The following CDH4 variants were observed in gnomAD, a reference collection of about 807,000 sequenced individuals.
CDH4 encodes cadherin 4, also known as cadherin-4.
Under a neutral mutation model 86.0 loss-of-function variants are expected in CDH4, and 33 were observed. The ratio of observed to expected loss-of-function variants is 0.38; its 90% CI spans 0.29 to 0.51. The LOEUF (loss-of-function observed/expected upper bound fraction) is 0.51. Among genes scored for constraint, CDH4 ranks in the 20% least tolerant of loss-of-function variants. The pLI is 0.86. For synonymous variants in CDH4, 555 were observed against 549.4 expected (o/e 1.01, Z -0.14); for missense variants, 1,114 against 1,307.4 (o/e 0.85, Z 2.28).
At chr20:61,339,543 G>T (rs189027016) in intron 2 of CDH4, among the ~76,000 whole-genome samples, 1 of 152,152 alleles carries the variant, frequency 6.6e-6, no homozygotes, top group South Asian at 2.1e-4. Context: ...CTTGTGATGG[G>T]CTTGATGAAG....
rs957171655 is a variant in CDH4 at position 61,623,053 on chromosome 20, G to A, written c.170-120510G>A. ...ATTTAAGACAGTCAGGGAAACAAACGGGGAGGTGCCTTAGAGGCAAAGCTT... is the reference window on the plus strand; with the variant it reads ...ATTTAAGACAGTCAGGGAAACAAACAGGGAGGTGCCTTAGAGGCAAAGCTT... On this transcript the variant is annotated intron_variant, in intron 2 of 15. Transcript: ENST00000614565. The surrounding 1 kb of genome is among the most constrained non-coding windows in gnomAD (Gnocchi z 4.4). Among the ~76,000 whole-genome samples the A allele has an allele frequency of 4.6e-5, 7 of 152,156 alleles. No homozygotes were observed. The highest frequency in any genetic ancestry group is 1.7e-4 in the African/African-American group (7 of 41,424).
At chr20:61,603,635 G>A (rs932355275) in intron 2 of CDH4, among the ~76,000 whole-genome samples, 12 of 152,298 alleles carry the variant, frequency 7.9e-5, no homozygotes, top group African/African-American at 1.9e-4. Flanking sequence ...TGCCCACCCC[G>A]TCTGCCCAGG....
intron 2 of CDH4, among the ~76,000 whole-genome samples, chr20:61,532,404 G>A (rs902667333): frequency 2.6e-5 from 4 of 152,144 alleles, no homozygotes; most frequent in Non-Finnish European, 4.4e-5. Context: ...ATGGAGCCCC[G>A]TATGAAAATG....
At chr20:61,680,756 G>A (rs142370682) in intron 2 of CDH4, among the ~76,000 whole-genome samples, 43 of 152,252 alleles carry the variant, frequency 2.8e-4, no homozygotes, top group East Asian at 9.7e-4. Flanking sequence ...AGAGAATTCC[G>A]TCTCCCCGGG....
intron 2 of CDH4, among the ~76,000 whole-genome samples, chr20:61,565,228 TGGTGGTGGTGGTGGCGGTGCTCTTGGTG>T (rs2086269697): frequency 6.8e-5 from 2 of 29,270 alleles, no homozygotes; most frequent in South Asian, 1.4e-3. Flanking sequence ...TGGTAGGTGG[TGGTGGTGGTGGTGGCGGTGCTCTTGGTG>T]ATGGTGGTGG....
intron 2 of CDH4, among the ~76,000 whole-genome samples, chr20:61,388,236 C>T (rs1204247645): frequency 6.6e-6 from 1 of 152,070 alleles, no homozygotes; most frequent in African/African-American, 2.4e-5. Flanking sequence ...GGGAGCAGAG[C>T]CCTGCCTTGA....
chr20:61,766,679 C>A (rs2088702217), intron 3 of CDH4, among the ~76,000 whole-genome samples: 1 of 152,190 alleles, frequency 6.6e-6, no homozygotes, highest in Non-Finnish European at 1.5e-5. Flanking sequence ...ACCTCGGAGC[C>A]TGTGACGCCC....
intron 2 of CDH4, among the ~76,000 whole-genome samples, chr20:61,508,717 G>A (rs923029115): frequency 2.0e-5 from 3 of 152,254 alleles, no homozygotes; most frequent in African/African-American, 4.8e-5. Flanking sequence ...CACCTGGAAT[G>A]CCTGGCTCAG....
chr20:61,895,776 T>C (rs1281701853), intron 8 of CDH4, among the ~76,000 whole-genome samples: 1 of 152,232 alleles, frequency 6.6e-6, no homozygotes, highest in East Asian at 1.9e-4. Context: ...CGGCCTTGGC[T>C]GTCGCCCTGC....
intron 3 of CDH4, among the ~76,000 whole-genome samples, chr20:61,769,506 A>G (rs1178193196): frequency 6.6e-6 from 1 of 152,216 alleles, no homozygotes; most frequent in African/African-American, 2.4e-5. Flanking sequence ...CCTGAAGTCC[A>G]GCAAAGGGGA....
At chr20:61,535,162 G>C (rs1416501763) in intron 2 of CDH4, among the ~76,000 whole-genome samples, 1 of 152,240 alleles carries the variant, frequency 6.6e-6, no homozygotes, top group East Asian at 1.9e-4. Flanking sequence ...TGACTGGGCT[G>C]GGCATTGCCA....
chr20:61,657,067 GGCAATATTTGA>G (rs1462257102), intron 2 of CDH4, among the ~76,000 whole-genome samples: 1 of 152,204 alleles, frequency 6.6e-6, no homozygotes, highest in African/African-American at 2.4e-5. Context: ...GCAGACGCCT[GGCAATATTTGA>G]GCAAATCTAA....
intron 2 of CDH4, among the ~76,000 whole-genome samples, chr20:61,259,022 G>C (rs914155521): frequency 6.6e-6 from 1 of 152,170 alleles, no homozygotes; most frequent in African/African-American, 2.4e-5. Flanking sequence ...CCATCACATG[G>C]TAGGTGTCCA....
At chr20:61,504,749 C>A (rs755042198) in intron 2 of CDH4, among the ~76,000 whole-genome samples, 6 of 152,192 alleles carry the variant, frequency 3.9e-5, no homozygotes, top group Non-Finnish European at 8.8e-5. Flanking sequence ...AAATTGGTAC[C>A]AGAAGAACAA....
chr20:61,668,031 CAG>C (rs1277164217), intron 2 of CDH4, among the ~76,000 whole-genome samples: 5 of 152,232 alleles, frequency 3.3e-5, no homozygotes, highest in Non-Finnish European at 7.3e-5. Context: ...CTTCTAAGAC[CAG>C]AGAGATGCTA....
At chr20:61,531,249 A>T (rs1458401938) in intron 2 of CDH4, among the ~76,000 whole-genome samples, 1 of 152,134 alleles carries the variant, frequency 6.6e-6, no homozygotes, top group African/African-American at 2.4e-5. Flanking sequence ...AGACAGGTGG[A>T]TCACCTGAGG....
At chr20:61,628,565 T>A (rs1336443804) in intron 2 of CDH4, among the ~76,000 whole-genome samples, 3 of 152,212 alleles carry the variant, frequency 2.0e-5, no homozygotes, top group Non-Finnish European at 4.4e-5. Flanking sequence ...CAGGTGCCCT[T>A]CCTGCTACAG....
intron 2 of CDH4, among the ~76,000 whole-genome samples, chr20:61,734,506 G>A (rs557691945): frequency 1.3e-5 from 2 of 152,368 alleles, no homozygotes; most frequent in African/African-American, 2.4e-5. Context: ...GGGATCTGGA[G>A]GTGCCCAGAG....
chr20:61,799,110 G>A (rs1979700004), intron 4 of CDH4, among the ~76,000 whole-genome samples: 1 of 152,166 alleles, frequency 6.6e-6, no homozygotes, highest in African/African-American at 2.4e-5. Context: ...CTGCTACATT[G>A]CTCATCAACT....
Sources: gnomAD v4.1 joint callset for allele counts (sites outside exome capture counted in the v4.1 genomes callset) on GRCh38, gnomAD v4.1.1 for gene constraint, Gnocchi (gnomAD v3.1) non-coding constraint, MANE v1.5 for transcripts, NCBI Gene and HGNC (gene_info 2026-07-23, HGNC 2026-07-21) for gene names.